APLP2: variants seen among roughly 807,000 people sequenced by gnomAD.
The protein encoded by APLP2 is CDEI box-binding protein.
Under a neutral mutation model 89.9 loss-of-function variants are expected in APLP2, and 53 were observed. The ratio of observed to expected loss-of-function variants is 0.59; its 90% CI spans 0.47 to 0.74. The LOEUF (loss-of-function observed/expected upper bound fraction) is 0.74. Ranked by LOEUF, APLP2 falls within the 30% of genes least tolerant of loss-of-function variation. APLP2 has a pLI of 0.00. For synonymous variants in APLP2, 372 were observed against 348.6 expected (o/e 1.07, Z -0.75); for missense variants, 973 against 975.9 (o/e 1.00, Z 0.04).
intron 1 of APLP2, among the ~76,000 whole-genome samples, chr11:130,075,272 C>G (rs1186744691): frequency 6.6e-6 from 1 of 152,210 alleles, no homozygotes; most frequent in Admixed American, 6.5e-5. Flanking sequence ...GCCTCAGCCT[C>G]CCGAGTATCT....
intron 1 of APLP2, among the ~76,000 whole-genome samples, chr11:130,094,345 G>T (rs1391772645): frequency 2.6e-5 from 4 of 151,926 alleles, no homozygotes; most frequent in African/African-American, 9.7e-5. Context: ...GAGCCACAGT[G>T]CCTGGCCTAA....
chr11:130,138,316 G>A (rs988992086), intron 13 of APLP2, among the ~76,000 whole-genome samples: 25 of 152,194 alleles, frequency 1.6e-4, no homozygotes, highest in African/African-American at 3.1e-4. Flanking sequence ...AAATGACTTC[G>A]TGTAGATGCT....
intron 10 of APLP2, 142 bp from the exon 11 acceptor site, chr11:130,129,896 T>TAAA (rs1354769539): frequency 2.1e-6 from 2 of 959,356 alleles, no homozygotes; most frequent in Non-Finnish European, 3.1e-6. Flanking sequence ...CTTGGTAAGC[T>TAAA]AAAAAAGCCT....
Position 130,123,845 on chromosome 11 carries a change from G to A in APLP2, c.1090+66G>A, listed in dbSNP as rs1950100727. ...CCTGTCTGGCGTCCGTCTCCCTGCC[G>A]TCTTCGTGGCTGCATCTGTGTGGTG... On this transcript the variant is annotated intron_variant, in intron 7 of 16. Coordinates refer to ENST00000338167, the MANE Select transcript of APLP2 (RefSeq NM_001142276.2). This position sits in a 1 kb window ranked among gnomAD's most constrained non-coding sequence, Gnocchi z 4.0. 17 of 1,560,550 alleles carry A rather than the reference G, an allele frequency of 1.1e-5. No homozygotes were observed. The highest frequency in any genetic ancestry group is 1.7e-4 in the Middle Eastern group (1 of 5,764).
rs114436441 is a variant in APLP2 at position 130,085,112 on chromosome 11, T to C, written c.105+15030T>C. Among the ~76,000 whole-genome samples, 561 of 152,208 alleles carry C rather than the reference T, an allele frequency of 3.7e-3. 3 individuals carry two copies. The highest frequency in any genetic ancestry group is 0.013 in the African/African-American group (548 of 41,526). On this transcript the variant is annotated intron_variant, in intron 1 of 16. Coordinates refer to ENST00000338167, the MANE Select transcript of APLP2 (RefSeq NM_001142276.2). ...CTGAATCATGAAGAAATAGAAAACT[T>C]GAGCAGATCAGTAACAAATAAGAAG... is the stretch of plus-strand genomic sequence containing the variant.
intron 1 of APLP2, among the ~76,000 whole-genome samples, chr11:130,093,372 C>G (rs998361137): frequency 6.1e-4 from 93 of 152,238 alleles, no homozygotes; most frequent in African/African-American, 1.8e-3. Flanking sequence ...AAGACAAGTT[C>G]TTACCTCAAA....
At chr11:130,083,910 T>C (rs1244292103) in intron 1 of APLP2, among the ~76,000 whole-genome samples, 1 of 152,182 alleles carries the variant, frequency 6.6e-6, no homozygotes, top group African/African-American at 2.4e-5. Context: ...CATACTATTT[T>C]CTATAGTGGC....
At chr11:130,100,757 A>G (rs1428569495) in intron 1 of APLP2, among the ~76,000 whole-genome samples, 1 of 152,228 alleles carries the variant, frequency 6.6e-6, no homozygotes, top group Non-Finnish European at 1.5e-5. Flanking sequence ...GGCATATGTC[A>G]CTGTAAGAAT....
At chr11:130,090,247 C>CT (rs539249012) in intron 1 of APLP2, among the ~76,000 whole-genome samples, 2,441 of 85,904 alleles carry the variant, frequency 0.028, 15 homozygotes, top group African/African-American at 0.055. Context: ...CTAGCTCTGT[C>CT]TTTTTTTTTT....
At chr11:130,126,185 A>G (rs1950347954) in intron 7 of APLP2, among the ~76,000 whole-genome samples, 1 of 152,226 alleles carries the variant, frequency 6.6e-6, no homozygotes, top group African/African-American at 2.4e-5. Context: ...CGTATATGCA[A>G]AGAACATTCA....
chr11:130,143,902 A>G lies in APLP2; in HGVS notation c.*454A>G, dbSNP rs141057204. 8.8e-3 allele frequency: 1,382 copies of G among 156,230 alleles called. 8 individuals carry two copies. Among genetic ancestry groups the G allele is most frequent in the Non-Finnish European group, 0.014 (968 of 70,636 alleles). The allele number at this position is 156,230 out of a possible 1,614,324, so 9.7% of individuals were successfully genotyped here. A position where few individuals can be genotyped will look rare whatever the true frequency, so the allele number is the denominator to read the frequency against. On this transcript the variant is annotated 3_prime_UTR_variant, in exon 17 of 17. Transcript: ENST00000338167. ...TTTATTTAAAGAAAAAAAAGGCAGT[A>G]TTCCCTTTTTAAATGAGCTTTCAGG...
At position 130,120,702 on chromosome 11, in the gene APLP2, C is replaced by G. The variant is rs1949714026; in HGVS notation, c.404-4C>G. ...TCCGCTCTGACAAAGATTCTCTTTT[C>G]CAGTGGGTGAATTTGTAAGTGATGT... On this transcript the variant is annotated splice_region_variant and splice_polypyrimidine_tract_variant and intron_variant, in intron 3 of 16. Coordinates refer to ENST00000338167, the MANE Select transcript of APLP2 (RefSeq NM_001142276.2). The G allele has an allele frequency of 6.2e-7, 1 of 1,608,778 alleles. No homozygotes were observed. The highest frequency in any genetic ancestry group is 1.3e-5 in the African/African-American group (1 of 74,826).
At chr11:130,095,865 T>G (rs1946131090) in intron 1 of APLP2, among the ~76,000 whole-genome samples, 1 of 152,224 alleles carries the variant, frequency 6.6e-6, no homozygotes, top group Non-Finnish European at 1.5e-5. Context: ...GTCAGTTGTT[T>G]ACTTGGGTAT....
Position 130,129,090 on chromosome 11 carries a change from A to G in APLP2, c.1339A>G (p.Ser447Gly), listed in dbSNP as rs1412414531. Residue 447 changes from serine to glycine, a missense_variant, in exon 10 of 17, where the codon AGT (serine) becomes GGT (glycine). Physicochemically the swap from Ser to Gly is moderately conservative, Grantham distance 56. Transcript: ENST00000338167. ...MVKALEKEAA[S>G]EKQQLVETHL... ...TAAAGCTTTAGAGAAGGAAGCAGCC[A>G]GTGAGAAGCAGCAGCTGGTGGAGAC... 3.7e-6 allele frequency: 6 copies of G among 1,614,092 alleles called. No individual in the cohort carries two copies. The highest frequency in any genetic ancestry group is 5.1e-6 in the Non-Finnish European group (6 of 1,180,040).
At chr11:130,125,242 G>A (rs1037433730) in intron 7 of APLP2, among the ~76,000 whole-genome samples, 1 of 152,164 alleles carries the variant, frequency 6.6e-6, no homozygotes, top group Admixed American at 6.5e-5. Context: ...ATTTCGGCCC[G>A]CTGTCCTCTC....
intron 13 of APLP2, 92 bp from the exon 14 acceptor site, chr11:130,140,306 C>T: frequency 1.1e-6 from 1 of 916,990 alleles, no homozygotes; most frequent in Middle Eastern, 3.3e-4. Flanking sequence ...TTGAGGGGCT[C>T]ACTGGCCCTC....
chr11:130,122,177 C>T, intron 5 of APLP2, 128 bp from the exon 6 acceptor site: 1 of 1,129,234 alleles, frequency 8.9e-7, no homozygotes, highest in Non-Finnish European at 1.3e-6. Context: ...GGCTTAGTGG[C>T]ACGGTGAAAT....
intron 1 of APLP2, among the ~76,000 whole-genome samples, chr11:130,077,973 CAG>C (rs905314144): frequency 6.6e-6 from 1 of 152,100 alleles, no homozygotes; most frequent in Non-Finnish European, 1.5e-5. Flanking sequence ...AAAAAAAGCT[CAG>C]TGTGTTTTTG....
intron 13 of APLP2, 41 bp downstream of exon 13, chr11:130,135,756 A>T: frequency 6.2e-7 from 1 of 1,605,050 alleles, no homozygotes; most frequent in Non-Finnish European, 8.5e-7. Flanking sequence ...CAGCAGGGGG[A>T]GGACAAAATG....
Sources: allele counts gnomAD v4.1 joint callset (sites outside exome capture counted in the v4.1 genomes callset), GRCh38; gene constraint gnomAD v4.1.1; non-coding constraint Gnocchi (gnomAD v3.1); transcripts MANE v1.5; gene names NCBI Gene and HGNC (gene_info 2026-07-23, HGNC 2026-07-21).